FOXP1: variants seen among roughly 807,000 people sequenced by gnomAD.
The protein encoded by FOXP1 is forkhead box protein P1.
Under a neutral mutation model 98.2 loss-of-function variants are expected in FOXP1, and 15 were observed. The observed-to-expected ratio is 0.15, with a 90% CI of 0.10 to 0.24. The LOEUF is 0.24. FOXP1 is among the 10% of genes least tolerant of loss of function. FOXP1 has a pLI of 1.00. For missense variants in FOXP1, 633 were observed against 848.5 expected, an observed-to-expected ratio of 0.75 and a Z score of 3.15; for synonymous variants, 371 against 314.5, an observed-to-expected ratio of 1.18 and a Z score of -1.90.
intron 4 of FOXP1, among the ~76,000 whole-genome samples, chr3:71,311,203 C>G (rs2074658200): frequency 6.6e-6 from 1 of 152,192 alleles, no homozygotes; most frequent in Non-Finnish European, 1.5e-5. Context: ...GTTCTCCCAC[C>G]TCAGCCTCCT....
intron 5 of FOXP1, among the ~76,000 whole-genome samples, chr3:71,259,816 T>TA (rs1388094435): frequency 6.6e-6 from 1 of 152,174 alleles, no homozygotes; most frequent in Non-Finnish European, 1.5e-5. Flanking sequence ...ACCTGCTAGT[T>TA]ACGTATAAAG....
intron 2 of FOXP1, among the ~76,000 whole-genome samples, chr3:71,526,856 A>G (rs1045354002): frequency 6.6e-6 from 1 of 151,910 alleles, no homozygotes; most frequent in African/African-American, 2.4e-5. Flanking sequence ...AATCCCAGCT[A>G]CTTGGGAGGC....
chr3:71,018,850 C>T (rs2044944725), intron 11 of FOXP1, among the ~76,000 whole-genome samples: 1 of 152,154 alleles, frequency 6.6e-6, no homozygotes, highest in African/African-American at 2.4e-5. Context: ...GGAACTGTTG[C>T]TGTGCAATTG....
At chr3:71,230,584 T>C (rs2066205313) in intron 5 of FOXP1, among the ~76,000 whole-genome samples, 1 of 152,116 alleles carries the variant, frequency 6.6e-6, no homozygotes, top group Non-Finnish European at 1.5e-5. Context: ...ACAAATATAT[T>C]AGTAGTTAAT....
intron 1 of FOXP1, chr3:71,582,773 T>C: frequency 1.0e-6 from 1 of 985,144 alleles, no homozygotes; most frequent in Non-Finnish European, 1.2e-6. Flanking sequence ...GGTGCGTGTC[T>C]GGCTGGGGGT....
chr3:71,202,784 A>T (rs2063756603), intron 5 of FOXP1, among the ~76,000 whole-genome samples: 1 of 152,224 alleles, frequency 6.6e-6, no homozygotes, highest in Non-Finnish European at 1.5e-5. Context: ...AAAGAAAAGC[A>T]TTAAAATACA....
intron 5 of FOXP1, among the ~76,000 whole-genome samples, chr3:71,257,681 G>A (rs1488596143): frequency 6.6e-6 from 1 of 152,032 alleles, no homozygotes; most frequent in African/African-American, 2.4e-5. Flanking sequence ...ATGGAGCCAC[G>A]GGAGTATTTC....
intron 2 of FOXP1, among the ~76,000 whole-genome samples, chr3:71,509,391 T>C (rs555205769): frequency 1.3e-5 from 2 of 152,330 alleles, no homozygotes; most frequent in East Asian, 1.9e-4. Context: ...GTGTGGGTTT[T>C]TGTTAGAATC....
At chr3:71,229,421 T>A (rs1183514114) in intron 5 of FOXP1, among the ~76,000 whole-genome samples, 1 of 152,144 alleles carries the variant, frequency 6.6e-6, no homozygotes, top group Non-Finnish European at 1.5e-5. Flanking sequence ...GAAATGACTG[T>A]CATAAACAGG....
chr3:71,573,983 T>C (rs994987448), intron 2 of FOXP1: 1 of 152,210 alleles, frequency 6.6e-6, no homozygotes, highest in African/African-American at 2.4e-5. Flanking sequence ...CCAGTGACAG[T>C]GGTAACTATG....
intron 3 of FOXP1, among the ~76,000 whole-genome samples, chr3:71,434,530 A>G (rs1379748087): frequency 1.3e-5 from 2 of 152,162 alleles, no homozygotes; most frequent in Non-Finnish European, 2.9e-5. Flanking sequence ...TGCAAATTAA[A>G]GAAATGTACA....
intron 3 of FOXP1, among the ~76,000 whole-genome samples, chr3:71,397,097 TATAC>T (rs1481798254): frequency 9.4e-6 from 1 of 106,080 alleles, no homozygotes; most frequent in African/African-American, 3.8e-5. Context: ...TATATATATA[TATAC>T]ATATATATAT....
intron 5 of FOXP1, among the ~76,000 whole-genome samples, chr3:71,262,433 A>G (rs2069251440): frequency 6.6e-6 from 1 of 152,080 alleles, no homozygotes; most frequent in African/African-American, 2.4e-5. Context: ...CAGATTTCTA[A>G]TACTTCCAGA....
chr3:71,506,873 A>C (rs1447752843), intron 2 of FOXP1, among the ~76,000 whole-genome samples: 1 of 152,052 alleles, frequency 6.6e-6, no homozygotes, highest in African/African-American at 2.4e-5. Context: ...GTTTCTCTAA[A>C]CCTCCATTTC....
intron 2 of FOXP1, chr3:71,572,747 C>T (rs1405760090): frequency 6.6e-6 from 1 of 152,346 alleles, no homozygotes; most frequent in East Asian, 1.9e-4. Flanking sequence ...GCCTCTCCTA[C>T]CTGAACCAGC....
intron 14 of FOXP1, among the ~76,000 whole-genome samples, chr3:70,987,435 G>A (rs2039933929): frequency 6.6e-6 from 1 of 152,226 alleles, no homozygotes; most frequent in Admixed American, 6.5e-5. Context: ...TCTCCTAACT[G>A]TGAAGGAATA....
chr3:71,174,090 G>A (rs915936591), intron 6 of FOXP1, among the ~76,000 whole-genome samples: 1 of 152,174 alleles, frequency 6.6e-6, no homozygotes, highest in Non-Finnish European at 1.5e-5. Context: ...CTAGAACACA[G>A]ACAGATCCAT....
chr3:71,003,035 A>C (rs1462540771), intron 12 of FOXP1, among the ~76,000 whole-genome samples: 1 of 152,222 alleles, frequency 6.6e-6, no homozygotes, highest in African/African-American at 2.4e-5. Flanking sequence ...CATTCATTGG[A>C]AGGAGCTGGA....
chr3:71,328,977 A>AAAAAAAAAT, intron 4 of FOXP1, among the ~76,000 whole-genome samples: 1 of 81,620 alleles, frequency 1.2e-5, no homozygotes, highest in East Asian at 9.7e-4. Context: ...ATCTCGCTAA[A>AAAAAAAAAT]AAAAAAAAAA....
Sources: allele counts gnomAD v4.1 joint callset (sites outside exome capture counted in the v4.1 genomes callset), GRCh38; gene constraint gnomAD v4.1.1; transcripts MANE v1.5; gene names NCBI Gene and HGNC (gene_info 2026-07-23, HGNC 2026-07-21).